CDH4: variants seen among roughly 807,000 people sequenced by gnomAD.
The protein encoded by CDH4 is cadherin-4.
CDH4 carries 33 observed loss-of-function variants against 86.0 expected under a neutral mutation model. That is an observed-to-expected ratio of 0.38 (90% confidence interval 0.29 to 0.51). CDH4 has a LOEUF of 0.51. Among genes scored for constraint, CDH4 ranks in the 20% least tolerant of loss-of-function variants. CDH4 has a pLI of 0.86. For synonymous variants in CDH4, 555 were observed against 549.4 expected, an observed-to-expected ratio of 1.01 and a Z score of -0.14; for missense variants, 1,114 against 1,307.4, an observed-to-expected ratio of 0.85 and a Z score of 2.28.
intron 7 of CDH4, among the ~76,000 whole-genome samples, chr20:61,878,132 C>T (rs1984124490): frequency 6.6e-6 from 1 of 152,064 alleles, no homozygotes; most frequent in African/African-American, 2.4e-5. Flanking sequence ...AAGGCCCCAT[C>T]GTGGCCATGG....
chr20:61,383,589 A>C (rs1460194654), intron 2 of CDH4, among the ~76,000 whole-genome samples: 2 of 3,006 alleles, frequency 6.7e-4, no homozygotes, highest in East Asian at 3.2e-3. Context: ...AATATATATG[A>C]ATATATGATA....
chr20:61,668,467 T>G (rs1293617583), intron 2 of CDH4, among the ~76,000 whole-genome samples: 1 of 152,226 alleles, frequency 6.6e-6, no homozygotes, highest in African/African-American at 2.4e-5. Context: ...TGGAACCAGC[T>G]GCCCCTGCTG....
chr20:61,405,669 A>G (rs1426492980), intron 2 of CDH4, among the ~76,000 whole-genome samples: 2 of 151,788 alleles, frequency 1.3e-5, no homozygotes, highest in African/African-American at 4.8e-5. Flanking sequence ...CTGGCTATAT[A>G]TATTATAGCT....
chr20:61,322,437 C>G (rs1008429153), intron 2 of CDH4, among the ~76,000 whole-genome samples: 2 of 152,214 alleles, frequency 1.3e-5, no homozygotes, highest in Non-Finnish European at 2.9e-5. Context: ...TGAGCCGCCT[C>G]CCCTTTCCTT....
intron 7 of CDH4, among the ~76,000 whole-genome samples, chr20:61,892,977 G>A (rs1984887057): frequency 6.8e-6 from 1 of 146,184 alleles, no homozygotes; most frequent in Non-Finnish European, 1.5e-5. Flanking sequence ...TAGAGGGATA[G>A]ATGGGTGGAT....
At chr20:61,267,238 C>T (rs895112737) in intron 2 of CDH4, among the ~76,000 whole-genome samples, 3 of 152,232 alleles carry the variant, frequency 2.0e-5, no homozygotes, top group Non-Finnish European at 2.9e-5. Context: ...GGAACGAATC[C>T]ACCCACTGAA....
intron 2 of CDH4, among the ~76,000 whole-genome samples, chr20:61,659,427 C>T (rs1010385016): frequency 2.0e-5 from 3 of 152,228 alleles, no homozygotes; most frequent in African/African-American, 7.2e-5. Context: ...GCGCTGCCCC[C>T]CACCTGGGGA....
At chr20:61,733,632 C>T (rs79958268) in intron 2 of CDH4, among the ~76,000 whole-genome samples, 9,164 of 146,678 alleles carry the variant, frequency 0.062, 338 homozygotes, top group Non-Finnish European at 0.08. Flanking sequence ...AATGGGTACA[C>T]GATGGATGGA....
At chr20:61,915,463 A>G (rs1268979107) in intron 9 of CDH4, among the ~76,000 whole-genome samples, 1 of 151,648 alleles carries the variant, frequency 6.6e-6, no homozygotes, top group African/African-American at 2.4e-5. Context: ...GCAGCATGAA[A>G]CTCTGACCCA....
In CDH4 at chr20:61,939,172, G is replaced by C. The variant is rs979452628; in HGVS notation, c.*2229G>C. On this transcript the variant is annotated 3_prime_UTR_variant, in exon 16 of 16. Coordinates refer to ENST00000614565, the MANE Select transcript of CDH4 (RefSeq NM_001794.5). ...CCTTCGGAGTATGCGTGGATTGTTC[G>C]AAGTGTGACTATGGCCCGGGAGCCA... 1 of 152,228 alleles carries C rather than the reference G, an allele frequency of 6.6e-6. No individual in the cohort carries two copies. The highest frequency in any genetic ancestry group is 2.1e-4 in the South Asian group (1 of 4,836). 9.4% of individuals were successfully genotyped at this position (152,228 alleles called of 1,614,324 possible). A position where few individuals can be genotyped will look rare whatever the true frequency, so the allele number is the denominator to read the frequency against.
At chr20:61,450,106 A>C (rs139093381) in intron 2 of CDH4, among the ~76,000 whole-genome samples, 220 of 152,366 alleles carry the variant, frequency 1.4e-3, no homozygotes, top group African/African-American at 4.9e-3. Flanking sequence ...CAATGATGTC[A>C]TTACAATCAA....
intron 2 of CDH4, among the ~76,000 whole-genome samples, chr20:61,453,081 A>C (rs2085389107): frequency 6.6e-6 from 1 of 152,250 alleles, no homozygotes; most frequent in Admixed American, 6.5e-5. Context: ...CTTCCTGGGA[A>C]GTAATTATAT....
chr20:61,261,370 T>C (rs1317358097), intron 2 of CDH4, among the ~76,000 whole-genome samples: 4 of 152,208 alleles, frequency 2.6e-5, no homozygotes, highest in African/African-American at 9.6e-5. Flanking sequence ...CGCTGTGACT[T>C]AAAGATTCAG....
intron 2 of CDH4, among the ~76,000 whole-genome samples, chr20:61,284,836 G>A (rs1019042411): frequency 2.2e-4 from 33 of 152,196 alleles, no homozygotes; most frequent in African/African-American, 7.7e-4. Flanking sequence ...TAGGCTTGGC[G>A]GGCCAGATGT....
At chr20:61,647,532 TCCC>T (rs1568731911) in intron 2 of CDH4, among the ~76,000 whole-genome samples, 4 of 37,932 alleles carry the variant, frequency 1.1e-4, no homozygotes, top group African/African-American at 5.2e-4. Flanking sequence ...ATATTCTCTC[TCCC>T]TCTCCCTCTC....
intron 2 of CDH4, among the ~76,000 whole-genome samples, chr20:61,525,112 C>G (rs1006096113): frequency 6.6e-6 from 1 of 152,188 alleles, no homozygotes; most frequent in Non-Finnish European, 1.5e-5. Flanking sequence ...GGTGCCTTTG[C>G]CAGACCTTGC....
rs1374734281 is a variant in CDH4, at chr20:61,663,522, G to A, written c.170-80041G>A. Among the ~76,000 whole-genome samples the A allele has an allele frequency of 1.3e-5, 2 of 152,176 alleles. No homozygotes were observed. Among genetic ancestry groups the A allele is most frequent in the Non-Finnish European group, 2.9e-5 (2 of 68,042 alleles). ...TGGGGATGCCGCCGAGTGGGTCAGA[G>A]GGGCCGGAGGAAGGTGAACAGGGCA... On this transcript the variant is annotated intron_variant, in intron 2 of 15. Transcript: ENST00000614565. This position sits in a 1 kb window ranked among gnomAD's most constrained non-coding sequence, Gnocchi z 5.0.
intron 2 of CDH4, among the ~76,000 whole-genome samples, chr20:61,688,251 A>C (rs921202767): frequency 1.3e-5 from 2 of 152,116 alleles, no homozygotes; most frequent in Non-Finnish European, 2.9e-5. Flanking sequence ...AATACCATGC[A>C]AATAGCTGCC....
intron 2 of CDH4, among the ~76,000 whole-genome samples, chr20:61,271,451 G>T (rs1427222452): frequency 6.6e-6 from 1 of 152,208 alleles, no homozygotes; most frequent in Non-Finnish European, 1.5e-5. Context: ...CAGCCCTGCT[G>T]AGTCAGCACA....
Sources: gnomAD v4.1 joint callset for allele counts (sites outside exome capture counted in the v4.1 genomes callset) on GRCh38, gnomAD v4.1.1 for gene constraint, Gnocchi (gnomAD v3.1) non-coding constraint, MANE v1.5 for transcripts, NCBI Gene and HGNC (gene_info 2026-07-23, HGNC 2026-07-21) for gene names.